MRTFB: variants seen among roughly 807,000 people sequenced by gnomAD.
MRTFB encodes myocardin related transcription factor B.
A neutral mutation model predicts 104.2 loss-of-function variants in MRTFB; 29 were observed. That is an observed-to-expected ratio of 0.28 (90% CI 0.21 to 0.38). MRTFB has a LOEUF of 0.38. Ranked by LOEUF, MRTFB falls within the 10% of genes least tolerant of loss-of-function variation. The pLI, the probability that MRTFB is intolerant of heterozygous loss-of-function variation, is 1.00. For synonymous variants in MRTFB, 535 were observed against 519.5 expected, an observed-to-expected ratio of 1.03 and a Z score of -0.41; for missense variants, 1,270 against 1,341.6, an observed-to-expected ratio of 0.95 and a Z score of 0.83.
chr16:14,260,735 C>G (rs1242093595), intron 16 of MRTFB, among the ~76,000 whole-genome samples, 174 bp from the exon 17 acceptor site: 2 of 152,206 alleles, frequency 1.3e-5, no homozygotes, highest in Non-Finnish European at 2.9e-5. Context: ...AATGATCCAT[C>G]ATCCTAAAGG....
At chr16:14,190,192 A>G (rs747465779) in intron 3 of MRTFB, among the ~76,000 whole-genome samples, 1 of 152,230 alleles carries the variant, frequency 6.6e-6, no homozygotes, top group Non-Finnish European at 1.5e-5. Context: ...GAGAACAGCA[A>G]TAAATGTCAT....
chr16:14,162,867 G>A (rs939541097), intron 3 of MRTFB, among the ~76,000 whole-genome samples: 3 of 152,142 alleles, frequency 2.0e-5, no homozygotes, highest in African/African-American at 7.2e-5. Flanking sequence ...GTACCTTTCT[G>A]CATGTCTATT....
At chr16:14,171,951 G>C (rs902338762) in intron 3 of MRTFB, among the ~76,000 whole-genome samples, 13 of 152,096 alleles carry the variant, frequency 8.5e-5, no homozygotes, top group Admixed American at 7.9e-4. Context: ...CCTTCCTTCA[G>C]CATGTCCATG....
intron 9 of MRTFB, among the ~76,000 whole-genome samples, chr16:14,236,575 T>C (rs2042522552): frequency 1.3e-5 from 2 of 151,604 alleles, no homozygotes; most frequent in Non-Finnish European, 1.5e-5. Context: ...TTAAATGAGG[T>C]GGTCTGGGGA....
chr16:14,068,964 T>C (rs1049564137), upstream of MRTFB, among the ~76,000 whole-genome samples: 1 of 74,116 alleles, frequency 1.3e-5, no homozygotes, highest in East Asian at 4.2e-4. Context: ...ATTCTCCAGC[T>C]TTTTTTTTTT....
chr16:14,094,718 G>A (rs76410488), intron 2 of MRTFB, among the ~76,000 whole-genome samples: 3,654 of 152,220 alleles, frequency 0.024, 153 homozygotes, highest in African/African-American at 0.083. Flanking sequence ...TGTGTTTTCC[G>A]TGAAACTGCA....
the MRTFB span, among the ~76,000 whole-genome samples, chr16:14,058,311 G>A: frequency 3.3e-5 from 5 of 152,204 alleles, no homozygotes; most frequent in Non-Finnish European, 7.3e-5. Flanking sequence ...AGGATGTGGT[G>A]AGTAATCATA....
At chr16:14,010,883 G>A in the MRTFB span, among the ~76,000 whole-genome samples, 29 of 152,350 alleles carry the variant, frequency 1.9e-4, no homozygotes, top group African/African-American at 4.3e-4. Context: ...AGTGGTTACC[G>A]TATTGGATAG....
At chr16:14,131,293 A>G (rs1289985164) in intron 2 of MRTFB, among the ~76,000 whole-genome samples, 2 of 152,218 alleles carry the variant, frequency 1.3e-5, no homozygotes, top group South Asian at 2.1e-4. Flanking sequence ...GGCAATCACA[A>G]TCTCATACTT....
At position 14,140,774 on chromosome 16, in the gene MRTFB, G is replaced by T. The variant is rs145126389; in HGVS notation, c.154+14G>T. The T allele has an allele frequency of 4.5e-5, 73 of 1,613,930 alleles. No homozygotes were observed. In the East Asian group the frequency reaches 1.5e-3, roughly 34 times the overall value. ...AAAGGAAAAATGGTGAGTTCAGCAT[G>T]TGCAATGGGATCTTTGATTTAAAGA... On this transcript the variant is annotated intron_variant, in intron 3 of 16. Transcript: ENST00000571589.
chr16:14,206,341 TG>T (rs1338288124), intron 3 of MRTFB, among the ~76,000 whole-genome samples: 3 of 152,250 alleles, frequency 2.0e-5, no homozygotes, highest in African/African-American at 7.2e-5. Context: ...TCTTCCTGGA[TG>T]GTCTCTGTCT....
intron 1 of MRTFB, among the ~76,000 whole-genome samples, chr16:14,074,209 G>A (rs2141787127): frequency 6.6e-6 from 1 of 152,216 alleles, no homozygotes; most frequent in African/African-American, 2.4e-5. Context: ...ATTATCTAGA[G>A]TTAGAGACAT....
In MRTFB at chr16:14,218,983, A is replaced by C. The variant is rs2041559087; in HGVS notation, c.678A>C (p.Thr226=). The change falls in exon 8 of 17, where the codon ACA becomes ACC. Residue 226 remains threonine, a synonymous_variant. Transcript: ENST00000571589. ...GTGAATCGCCATCTCCTGTGACTAC[A>C]AACACTCCAGCGCAGGTATTATCTT... ...KVSESPSPVT[T]NTPAQFASVS... 1 of 1,613,734 alleles carries C rather than the reference A, an allele frequency of 6.2e-7. No individual in the cohort carries two copies. Among genetic ancestry groups the C allele is most frequent in the Admixed American group, 1.7e-5 (1 of 59,976 alleles).
At chr16:14,206,168 A>C (rs1454953354) in intron 3 of MRTFB, among the ~76,000 whole-genome samples, 1 of 152,198 alleles carries the variant, frequency 6.6e-6, no homozygotes. Context: ...TTGATAAAGC[A>C]TTCCTGATCC....
intron 2 of MRTFB, among the ~76,000 whole-genome samples, chr16:14,083,854 C>T (rs2034550253): frequency 6.6e-6 from 1 of 152,164 alleles, no homozygotes; most frequent in Admixed American, 6.5e-5. Flanking sequence ...GTACCACCTT[C>T]TTTTGTATGT....
intron 3 of MRTFB, among the ~76,000 whole-genome samples, chr16:14,146,030 C>G (rs1028313986): frequency 3.3e-5 from 5 of 152,188 alleles, no homozygotes; most frequent in African/African-American, 1.2e-4. Context: ...GGGATGCTGG[C>G]TGGTGAATTT....
Position 14,194,021 on chromosome 16 carries a change from T to C in MRTFB, c.155-16222T>C, listed in dbSNP as rs930809076. ...AAGTGAAGGAGCATCTGTACTATCA[T>C]AACACCACTCTAATTTATTAAAAGC... On this transcript the variant is annotated intron_variant, in intron 3 of 16. Transcript: ENST00000571589. 2.0e-5 allele frequency among the ~76,000 whole-genome samples: 3 copies of C among 152,308 alleles called. No homozygotes were observed. The South Asian group carries it at 6.2e-4, about 32-fold the overall frequency.
rs146907441 is a variant in MRTFB, at chr16:14,073,306, C to G, written c.-129+1941C>G. ...GTGAAGTCTTTTAGATCCAGGCCCC[C>G]CAAACCCTAAATGCCAGCGGTGTCC... On this transcript the variant is annotated intron_variant, in intron 1 of 16. Coordinates refer to ENST00000571589, the MANE Select transcript of MRTFB (RefSeq NM_001308142.2). 2.0e-5 allele frequency among the ~76,000 whole-genome samples: 3 copies of G among 152,320 alleles called. No individual in the cohort carries two copies. The East Asian group carries it at 5.8e-4, about 29-fold the overall frequency.
At chr16:14,217,586 T>C (rs1672710725) in intron 7 of MRTFB, among the ~76,000 whole-genome samples, 1 of 152,226 alleles carries the variant, frequency 6.6e-6, no homozygotes, top group South Asian at 2.1e-4. Context: ...TTGTACTGCT[T>C]ACAGTTCTTG....
Sources: gnomAD v4.1 joint callset for allele counts (sites outside exome capture counted in the v4.1 genomes callset) on GRCh38, gnomAD v4.1.1 for gene constraint, MANE v1.5 for transcripts, NCBI Gene and HGNC (gene_info 2026-07-23, HGNC 2026-07-21) for gene names.